Variants in NEK11 observed in about 807,000 individuals in gnomAD.
NEK11 encodes NIMA related kinase 11.
In NEK11, 72 loss-of-function variants were observed where a neutral mutation model predicts 80.7. That is an observed-to-expected ratio of 0.89 (90% CI 0.74 to 1.08). The LOEUF is 1.08. NEK11 is among the 50% of genes least tolerant of loss of function. The probability of loss-of-function intolerance (pLI) is 0.00; values close to 1 mark genes in which losing one functional copy is unlikely to be tolerated. For synonymous variants in NEK11, 251 were observed against 260.7 expected, an observed-to-expected ratio of 0.96 and a Z score of 0.36; for missense variants, 764 against 763.6, an observed-to-expected ratio of 1.00 and a Z score of -0.01.
chr3:131,170,109 G>C (rs1372924727), intron 13 of NEK11, among the ~76,000 whole-genome samples: 1 of 152,134 alleles, frequency 6.6e-6, no homozygotes, highest in East Asian at 1.9e-4. Flanking sequence ...TCTTGGAGTA[G>C]TTTCCCATGA....
chr3:131,262,404 T>C (rs1007325757), intron 16 of NEK11, among the ~76,000 whole-genome samples: 9 of 152,130 alleles, frequency 5.9e-5, no homozygotes, highest in African/African-American at 1.9e-4. Flanking sequence ...ATAGAAAACC[T>C]GAATATGCCT....
intron 4 of NEK11, among the ~76,000 whole-genome samples, chr3:131,099,869 T>C (rs751173076): frequency 2.0e-5 from 3 of 152,172 alleles, no homozygotes; most frequent in Non-Finnish European, 4.4e-5. Context: ...AGTCTTTTGG[T>C]GGAGTCTTTA....
chr3:131,273,104 G>GTCAA (rs2096229224), intron 16 of NEK11, among the ~76,000 whole-genome samples: 1 of 152,160 alleles, frequency 6.6e-6, no homozygotes, highest in African/African-American at 2.4e-5. Context: ...TAGTCACTTA[G>GTCAA]TCAAACATCC....
intron 5 of NEK11, among the ~76,000 whole-genome samples, chr3:131,118,960 C>T (rs2081860871): frequency 6.6e-6 from 1 of 151,920 alleles, no homozygotes; most frequent in East Asian, 1.9e-4. Context: ...TTTTTTGTGT[C>T]TCTATCTTCT....
At chr3:131,223,295 A>G (rs997664562) in intron 14 of NEK11, among the ~76,000 whole-genome samples, 1 of 152,128 alleles carries the variant, frequency 6.6e-6, no homozygotes, top group Non-Finnish European at 1.5e-5. Context: ...GGGCAGCACC[A>G]AATTAGTGGT....
chr3:131,029,992 C>A, intron 3 of NEK11, 114 bp downstream of exon 3: 1 of 984,498 alleles, frequency 1.0e-6, no homozygotes, highest in Admixed American at 2.1e-5. Context: ...GTAATCCCAG[C>A]ACTGTGGGTG....
At chr3:131,270,205 C>T (rs1379217919) in intron 16 of NEK11, among the ~76,000 whole-genome samples, 2 of 152,150 alleles carry the variant, frequency 1.3e-5, no homozygotes, top group East Asian at 3.8e-4. Flanking sequence ...CAAATACAGA[C>T]CCCCCAAAAA....
intron 14 of NEK11, among the ~76,000 whole-genome samples, chr3:131,213,166 C>A (rs1342429007): frequency 6.7e-6 from 1 of 149,894 alleles, no homozygotes; most frequent in Non-Finnish European, 1.5e-5. Flanking sequence ...GAACCAACTC[C>A]TTAAACCCCC....
intron 14 of NEK11, among the ~76,000 whole-genome samples, chr3:131,216,353 G>A (rs1162838165): frequency 6.6e-6 from 1 of 152,196 alleles, no homozygotes; most frequent in Admixed American, 6.5e-5. Flanking sequence ...ATGATAAAAG[G>A]TCTTGCCTGC....
intron 14 of NEK11, among the ~76,000 whole-genome samples, chr3:131,176,724 G>A (rs747352718): frequency 4.1e-4 from 63 of 152,204 alleles, no homozygotes; most frequent in Non-Finnish European, 6.5e-4. Context: ...CTAAGCAAAC[G>A]TAATATAAAT....
intron 3 of NEK11, among the ~76,000 whole-genome samples, chr3:131,064,828 G>A (rs2071594542): frequency 6.6e-6 from 1 of 151,896 alleles, no homozygotes; most frequent in Non-Finnish European, 1.5e-5. Context: ...ATGTAAATAG[G>A]CATTTTCAAC....
At chr3:131,051,452 C>G (rs1383665971) in intron 3 of NEK11, among the ~76,000 whole-genome samples, 1 of 152,180 alleles carries the variant, frequency 6.6e-6, no homozygotes, top group Non-Finnish European at 1.5e-5. Flanking sequence ...AAATCCCAAA[C>G]TGTCAAACAA....
chr3:131,265,146 C>A (rs532446559), intron 16 of NEK11, among the ~76,000 whole-genome samples: 1 of 152,188 alleles, frequency 6.6e-6, no homozygotes, highest in Non-Finnish European at 1.5e-5. Context: ...AATATAGACT[C>A]ATGTGATCTG....
chr3:131,031,621 T>G (rs940508811), intron 3 of NEK11, among the ~76,000 whole-genome samples: 2 of 152,082 alleles, frequency 1.3e-5, no homozygotes, highest in African/African-American at 4.8e-5. Flanking sequence ...GGAGAGAGTG[T>G]GTTTGTAGTC....
intron 16 of NEK11, among the ~76,000 whole-genome samples, chr3:131,250,415 T>C (rs2095679003): frequency 6.6e-6 from 1 of 152,090 alleles, no homozygotes; most frequent in East Asian, 1.9e-4. Context: ...TATTTATCTA[T>C]CCAAACTATC....
At chr3:131,154,432 C>T (rs1231377181) in intron 9 of NEK11, among the ~76,000 whole-genome samples, 16 of 152,038 alleles carry the variant, frequency 1.1e-4, no homozygotes, top group Admixed American at 1.0e-3. Context: ...TGCTTAAAAT[C>T]CCAGGTAACA....
intron 5 of NEK11, among the ~76,000 whole-genome samples, chr3:131,131,053 C>A (rs559535690): frequency 6.6e-6 from 1 of 152,188 alleles, no homozygotes; most frequent in Non-Finnish European, 1.5e-5. Flanking sequence ...CCACCCACCT[C>A]GGCTTCCCAA....
chr3:131,093,765 T>G (rs1252891096), intron 4 of NEK11, among the ~76,000 whole-genome samples: 1 of 152,142 alleles, frequency 6.6e-6, no homozygotes, highest in East Asian at 1.9e-4. Context: ...TGTTACATGG[T>G]GAACTAGAAT....
At chr3:131,203,442 G>C (rs1232166541) in intron 14 of NEK11, among the ~76,000 whole-genome samples, 1 of 133,940 alleles carries the variant, frequency 7.5e-6, no homozygotes, top group South Asian at 2.8e-4. Flanking sequence ...GGTGAGGGGA[G>C]GGGGGAGGGA....
Sources: allele counts gnomAD v4.1 joint callset (sites outside exome capture counted in the v4.1 genomes callset), GRCh38; gene constraint gnomAD v4.1.1; transcripts MANE v1.5; gene names NCBI Gene and HGNC (gene_info 2026-07-23, HGNC 2026-07-21).